CASC3: variants seen among roughly 807,000 people sequenced by gnomAD.
CASC3 encodes CASC3 exon junction complex subunit, also known as protein CASC3.
CASC3 carries 30 observed loss-of-function variants against 80.5 expected under a neutral mutation model. The ratio of observed to expected loss-of-function variants is 0.37; its 90% CI spans 0.28 to 0.51. The LOEUF is 0.51. CASC3 is among the 20% of genes least tolerant of loss of function. The probability of loss-of-function intolerance (pLI) is 0.94; values close to 1 mark genes in which losing one functional copy is unlikely to be tolerated. For synonymous variants in CASC3, 312 were observed against 333.6 expected, an observed-to-expected ratio of 0.94 and a Z score of 0.70; for missense variants, 824 against 922.2, an observed-to-expected ratio of 0.89 and a Z score of 1.38.
intron 6 of CASC3, among the ~76,000 whole-genome samples, chr17:40,163,166 G>T (rs533486456): frequency 6.6e-6 from 1 of 151,842 alleles, no homozygotes; most frequent in South Asian, 2.1e-4. Flanking sequence ...ACAGAGTCTC[G>T]CTGTGTTGCC....
chr17:40,162,620 G>A (rs750642783), intron 5 of CASC3, 105 bp from the exon 6 acceptor site: 23 of 1,022,156 alleles, frequency 2.3e-5, no homozygotes, highest in South Asian at 1.4e-4. Context: ...AGGAGACTAC[G>A]TAAAGTTCCT....
chr17:40,165,763 G>GTT (rs915103639), intron 7 of CASC3, among the ~76,000 whole-genome samples: 10 of 123,010 alleles, frequency 8.1e-5, no homozygotes, highest in South Asian at 2.6e-4. Flanking sequence ...TTTTTTTTTT[G>GTT]TTTTTTTTTT....
intron 3 of CASC3, among the ~76,000 whole-genome samples, chr17:40,149,426 A>C (rs1305088632): frequency 1.3e-5 from 2 of 152,074 alleles, no homozygotes; most frequent in Middle Eastern, 3.4e-3. Context: ...AAAACTTGTT[A>C]AAGAAATTTG....
chr17:40,143,838 G>C (rs1367743460), intron 3 of CASC3, among the ~76,000 whole-genome samples: 2 of 150,040 alleles, frequency 1.3e-5, no homozygotes, highest in Non-Finnish European at 3.0e-5. Context: ...CAAAAAAAAA[G>C]TATATATATA....
At chr17:40,150,037 G>A (rs1988960346) in intron 3 of CASC3, among the ~76,000 whole-genome samples, 1 of 152,154 alleles carries the variant, frequency 6.6e-6, no homozygotes, top group African/African-American at 2.4e-5. Flanking sequence ...AAAGAAGTGG[G>A]AAGGAAAGGA....
chr17:40,168,707 C>T, intron 11 of CASC3: 1 of 366,474 alleles, frequency 2.7e-6, no homozygotes, highest in Non-Finnish European at 5.1e-6. Flanking sequence ...TCTTCTGCCT[C>T]AGCCTCCCGA....
intron 11 of CASC3, chr17:40,168,643 T>C (rs1368944227): frequency 2.0e-6 from 1 of 498,320 alleles, no homozygotes; most frequent in East Asian, 3.9e-5. Context: ...AGGCTTGGAG[T>C]GCAGTGGCGT....
intron 7 of CASC3, among the ~76,000 whole-genome samples, chr17:40,164,749 C>CGTTTTTTT (rs1567683752): frequency 2.5e-4 from 22 of 87,848 alleles, no homozygotes; most frequent in African/African-American, 1.3e-3. Context: ...CCGTGCCTGG[C>CGTTTTTTT]CTTTTTTTTT....
chr17:40,141,539 T>C, intron 2 of CASC3, 31 bp from the exon 3 acceptor site: 4 of 1,596,320 alleles, frequency 2.5e-6, no homozygotes, highest in Non-Finnish European at 3.4e-6. Context: ...TCTGGGTTTC[T>C]TTTTTTCCAC....
intron 3 of CASC3, among the ~76,000 whole-genome samples, chr17:40,148,451 G>A (rs1988914020): frequency 6.6e-6 from 1 of 151,592 alleles, no homozygotes; most frequent in Admixed American, 6.6e-5. Flanking sequence ...TGCAATCTCC[G>A]TCTCCTGGGT....
intron 3 of CASC3, among the ~76,000 whole-genome samples, chr17:40,159,811 G>A (rs1661424874): frequency 6.7e-6 from 1 of 150,146 alleles, no homozygotes; most frequent in African/African-American, 2.5e-5. Flanking sequence ...CACCTCCTGG[G>A]TTTAAGCAAT....
At position 40,171,464 on chromosome 17, in the gene CASC3, T is replaced by C. The variant is rs1337609530; in HGVS notation, c.*1059T>C. The C allele has an allele frequency of 1.1e-5, 11 of 987,514 alleles. No individual in the cohort carries two copies. The highest frequency in any genetic ancestry group is 1.3e-5 in the Non-Finnish European group (11 of 831,002). The allele number at this position is 987,514 out of a possible 1,614,324, so 61.2% of individuals were successfully genotyped here. ...ATATTATCCAGCAAGCAGTCTACCC[T>C]GTCCTTTGCAATTGCTCTTCTCCAC... On this transcript the variant is annotated 3_prime_UTR_variant, in exon 14 of 14. Coordinates refer to ENST00000264645, the MANE Select transcript of CASC3 (RefSeq NM_007359.5).
intron 7 of CASC3, among the ~76,000 whole-genome samples, chr17:40,166,359 T>C (rs1302874930): frequency 6.6e-6 from 1 of 152,184 alleles, no homozygotes; most frequent in African/African-American, 2.4e-5. Flanking sequence ...CCTTTCAAAC[T>C]TCCAACCCAG....
At chr17:40,143,473 A>G (rs1028598885) in intron 3 of CASC3, among the ~76,000 whole-genome samples, 6 of 152,124 alleles carry the variant, frequency 3.9e-5, no homozygotes, top group African/African-American at 1.4e-4. Context: ...AAAAATGACT[A>G]AGATCTAGAA....
intron 3 of CASC3, among the ~76,000 whole-genome samples, chr17:40,158,820 G>A (rs1445659448): frequency 6.6e-6 from 1 of 151,994 alleles, no homozygotes; most frequent in Non-Finnish European, 1.5e-5. Context: ...TGTGATTCTG[G>A]ATATGTTCTG....
chr17:40,162,742 G>A lies in CASC3; in HGVS notation c.626G>A (p.Arg209Gln), dbSNP rs138947447. Residue 209 changes from arginine to glutamine, a missense_variant, in exon 6 of 14, where the codon CGA becomes CAA. By Grantham distance (43) the Arg-to-Gln change is conservative (BLOSUM62 1). Transcript: ENST00000264645. ...TTATCCAGACCCAAGGGGCGTCAGC[G>A]AAAGCTATGGAAGGATGAGGGTCGC... Reference protein sequence around the residue: ...EEEVRPKGRQRKLWKDEGRWE... With the variant: ...EEEVRPKGRQQKLWKDEGRWE... 1.9e-5 allele frequency: 31 copies of A among 1,613,774 alleles called. No homozygotes were observed. The East Asian group carries it at 3.8e-4, about 20-fold the overall frequency.
At chr17:40,150,986 C>G (rs1175363630) in intron 3 of CASC3, among the ~76,000 whole-genome samples, 1 of 151,888 alleles carries the variant, frequency 6.6e-6, no homozygotes, top group Non-Finnish European at 1.5e-5. Flanking sequence ...GCACTCCAGC[C>G]TGGGCGACAG....
chr17:40,164,349 C>T (rs945205999), intron 7 of CASC3, among the ~76,000 whole-genome samples, 183 bp downstream of exon 7: 5 of 151,236 alleles, frequency 3.3e-5, no homozygotes, highest in East Asian at 3.9e-4. Context: ...CTGCAACCTT[C>T]GCCTCCCAGG....
intron 3 of CASC3, among the ~76,000 whole-genome samples, chr17:40,147,505 G>A (rs1249833208): frequency 2.6e-5 from 4 of 152,058 alleles, no homozygotes; most frequent in African/African-American, 7.2e-5. Context: ...AAATTATCCG[G>A]TCTTGGTGGC....
Sources: allele counts gnomAD v4.1 joint callset (sites outside exome capture counted in the v4.1 genomes callset), GRCh38; gene constraint gnomAD v4.1.1; transcripts MANE v1.5; gene names NCBI Gene and HGNC (gene_info 2026-07-23, HGNC 2026-07-21).